Variants in HYAL4 observed in about 807,000 individuals in gnomAD.
The protein encoded by HYAL4 is hyaluronidase 4.
Under a neutral mutation model 35.2 loss-of-function variants are expected in HYAL4, and 37 were observed. The ratio of observed to expected loss-of-function variants is 1.05; its 90% CI spans 0.81 to 1.38. The LOEUF is 1.38. HYAL4 is among the 40% of genes most tolerant of loss of function. The pLI, the probability that HYAL4 is intolerant of heterozygous loss-of-function variation, is 0.00. For missense variants in HYAL4, 572 were observed against 572.4 expected (o/e 1.00, Z 0.01); for synonymous variants, 198 against 203.2 (o/e 0.97, Z 0.22).
the HYAL4 span, among the ~76,000 whole-genome samples, chr7:123,799,432 A>C: frequency 6.7e-6 from 1 of 150,170 alleles, no homozygotes; most frequent in African/African-American, 2.4e-5. Context: ...AAATTTATAA[A>C]ATTATAAAAT....
At chr7:123,819,671 T>TG in the HYAL4 span, among the ~76,000 whole-genome samples, 5 of 152,104 alleles carry the variant, frequency 3.3e-5, no homozygotes, top group Non-Finnish European at 5.9e-5. Flanking sequence ...CTGATGTTTA[T>TG]GTCCTAGGGG....
At chr7:123,766,646 A>G in the HYAL4 span, among the ~76,000 whole-genome samples, 1 of 152,250 alleles carries the variant, frequency 6.6e-6, no homozygotes, top group African/African-American at 2.4e-5. Context: ...TTATAAAACT[A>G]TTGCTGAGGA....
the HYAL4 span, among the ~76,000 whole-genome samples, chr7:123,789,555 G>T: frequency 6.6e-6 from 1 of 152,242 alleles, no homozygotes; most frequent in African/African-American, 2.4e-5. Context: ...ATAATGAAAG[G>T]TATAATTATG....
At chr7:123,858,580 A>G (rs1584920398) in intron 2 of HYAL4, among the ~76,000 whole-genome samples, 1 of 152,060 alleles carries the variant, frequency 6.6e-6, no homozygotes, top group Non-Finnish European at 1.5e-5. Context: ...AGTGTGCAAG[A>G]TCCTCTCCCA....
the HYAL4 span, among the ~76,000 whole-genome samples, chr7:123,777,851 C>T: frequency 6.6e-6 from 1 of 151,074 alleles, no homozygotes; most frequent in Non-Finnish European, 1.5e-5. Flanking sequence ...GTTTATTTTT[C>T]CATCTCCTTG....
rs1445039379 is a variant in HYAL4, at chr7:123,837,484, T to A, written c.-256-6761T>A. The stretch of plus-strand genomic sequence containing the variant: ...AAACTCCAACATGCAGCATTAAAAT[T>A]CTATTAACACTGAACAGAATATTAA... On this transcript the variant is annotated intron_variant, in intron 1 of 4. Transcript: ENST00000489978. Among the ~76,000 whole-genome samples, 28 of 152,170 alleles carry A rather than the reference T, an allele frequency of 1.8e-4. 1 individual carries two copies. The highest frequency in any genetic ancestry group is 1.8e-3 in the Admixed American group (28 of 15,278).
the HYAL4 span, among the ~76,000 whole-genome samples, chr7:123,786,803 G>C: frequency 5.2e-4 from 79 of 151,794 alleles, no homozygotes; most frequent in African/African-American, 1.7e-3. Context: ...CATGAGACTT[G>C]GGTGAATAAA....
At chr7:123,766,073 T>C in the HYAL4 span, among the ~76,000 whole-genome samples, 1 of 152,170 alleles carries the variant, frequency 6.6e-6, no homozygotes, top group Non-Finnish European at 1.5e-5. Context: ...CTTCAAAAAC[T>C]ATTCTTGATT....
chr7:123,821,666 T>C, the HYAL4 span, among the ~76,000 whole-genome samples: 1 of 152,218 alleles, frequency 6.6e-6, no homozygotes, highest in African/African-American at 2.4e-5. Context: ...CATTTGTCCA[T>C]GTTTCTTTTT....
In HYAL4 at chr7:123,848,504, C is replaced by T. The variant is rs578143481; in HGVS notation, c.-52+346C>T. Among the ~76,000 whole-genome samples the T allele has an allele frequency of 1.2e-3, 180 of 152,278 alleles. 1 individual carries two copies. Among genetic ancestry groups the T allele is most frequent in the Non-Finnish European group, 1.9e-3 (129 of 68,016 alleles). ...TCTGTGATTGCATTACTAACCTTAACTTGTGATAGCATCAAAATGTATTCC... is the reference window on the plus strand; with the variant it reads ...TCTGTGATTGCATTACTAACCTTAATTTGTGATAGCATCAAAATGTATTCC... On this transcript the variant is annotated intron_variant, in intron 2 of 4. Transcript: ENST00000223026.
chr7:123,818,535 A>G, the HYAL4 span, among the ~76,000 whole-genome samples: 2 of 152,184 alleles, frequency 1.3e-5, no homozygotes, highest in Non-Finnish European at 2.9e-5. Flanking sequence ...TGCTACTAAT[A>G]TAAAAATTAT....
the HYAL4 span, among the ~76,000 whole-genome samples, chr7:123,784,234 A>G: frequency 6.6e-6 from 1 of 152,364 alleles, no homozygotes; most frequent in East Asian, 1.9e-4. Context: ...GTGAGTTCAA[A>G]CTATGTCTAA....
At chr7:123,857,347 C>T (rs1158366044) in intron 2 of HYAL4, among the ~76,000 whole-genome samples, 7 of 152,140 alleles carry the variant, frequency 4.6e-5, no homozygotes, top group African/African-American at 9.7e-5. Context: ...CTGCAGGTTG[C>T]GAAGACCATG....
At chr7:123,828,177 A>G (rs1301947375), upstream of HYAL4, among the ~76,000 whole-genome samples, 3 of 152,148 alleles carry the variant, frequency 2.0e-5, no homozygotes, top group Non-Finnish European at 4.4e-5. Context: ...TGTACAAGTA[A>G]CACTAGCATT....
chr7:123,780,592 T>G, the HYAL4 span, among the ~76,000 whole-genome samples: 17 of 152,118 alleles, frequency 1.1e-4, no homozygotes, highest in South Asian at 6.2e-4. Context: ...TATCTAAGAG[T>G]AGTTTTAGAA....
chr7:123,848,759 C>T (rs1463790723), intron 2 of HYAL4, among the ~76,000 whole-genome samples: 1 of 152,130 alleles, frequency 6.6e-6, no homozygotes, highest in Admixed American at 6.6e-5. Context: ...TATAGTTATA[C>T]TTACCATGAT....
At chr7:123,845,131 G>C (rs1239068294), upstream of HYAL4, 1 of 151,906 alleles carries the variant, frequency 6.6e-6, no homozygotes, top group African/African-American at 2.4e-5. Context: ...TTGCAGACTG[G>C]AGCTGTTCCT....
chr7:123,806,531 C>T, the HYAL4 span, among the ~76,000 whole-genome samples: 181 of 152,092 alleles, frequency 1.2e-3, 2 homozygotes, highest in Middle Eastern at 0.014. Context: ...GCAACCTCTG[C>T]CTCACAGGTT....
chr7:123,826,474 G>A (rs17624713), upstream of HYAL4, among the ~76,000 whole-genome samples: 6,106 of 152,146 alleles, frequency 0.04, 134 homozygotes, highest in Middle Eastern at 0.082. Context: ...TGGATTGCCC[G>A]GTAAACAAAA....
Sources: gnomAD v4.1 joint callset for allele counts (sites outside exome capture counted in the v4.1 genomes callset) on GRCh38, gnomAD v4.1.1 for gene constraint, MANE v1.5 for transcripts, NCBI Gene and HGNC (gene_info 2026-07-23, HGNC 2026-07-21) for gene names.